Variants in ADAMTS17 observed in about 807,000 individuals in gnomAD.
ADAMTS17 encodes A disintegrin and metalloproteinase with thrombospondin motifs 17.
A neutral mutation model predicts 141.5 loss-of-function variants in ADAMTS17; 113 were observed. The ratio of observed to expected loss-of-function variants is 0.80; its 90% CI spans 0.69 to 0.93. The LOEUF is 0.93. Among genes scored for constraint, ADAMTS17 ranks in the 40% least tolerant of loss-of-function variants. ADAMTS17 has a pLI of 0.00. For synonymous variants in ADAMTS17, 768 were observed against 630.6 expected (o/e 1.22, Z -3.27); for missense variants, 1,659 against 1,517.9 (o/e 1.09, Z -1.54).
intron 7 of ADAMTS17, among the ~76,000 whole-genome samples, chr15:100,206,562 T>C (rs559339515): frequency 1.3e-5 from 2 of 152,288 alleles, no homozygotes; most frequent in South Asian, 4.1e-4. Flanking sequence ...CTCTATCTTC[T>C]CTCACTGGAA....
chr15:100,005,841 T>C (rs541595800), intron 18 of ADAMTS17, among the ~76,000 whole-genome samples: 1 of 151,436 alleles, frequency 6.6e-6, no homozygotes, highest in African/African-American at 2.5e-5. Context: ...GGTGTCAGTG[T>C]GGCTGGTCCT....
At chr15:100,234,113 C>T (rs1418335029) in intron 7 of ADAMTS17, among the ~76,000 whole-genome samples, 2 of 152,010 alleles carry the variant, frequency 1.3e-5, no homozygotes, top group Non-Finnish European at 2.9e-5. Flanking sequence ...CAGGCCTGGA[C>T]CGTGGGAGGA....
chr15:100,208,942 A>G (rs746425532), intron 7 of ADAMTS17, among the ~76,000 whole-genome samples: 1 of 152,154 alleles, frequency 6.6e-6, no homozygotes, highest in Admixed American at 6.5e-5. Flanking sequence ...TTCTCGGACC[A>G]TATGAGCCAT....
At position 100,037,717 on chromosome 15, in the gene ADAMTS17, C is replaced by G. The variant is rs1220143373; in HGVS notation, c.2591+11140G>C. The stretch of plus-strand genomic sequence containing the variant: ...AGCCACCATGCTTGGCCTAGATGTT[C>G]TTCATATAAGTTCCTTATCAGATAT... On this transcript the variant is annotated intron_variant, in intron 18 of 21. Coordinates refer to ENST00000268070, the MANE Select transcript of ADAMTS17 (RefSeq NM_139057.4). Among the ~76,000 whole-genome samples, 5 of 151,900 alleles carry G rather than the reference C, an allele frequency of 3.3e-5. No homozygotes were observed. In the East Asian group the frequency reaches 9.8e-4, roughly 30 times the overall value.
intron 18 of ADAMTS17, among the ~76,000 whole-genome samples, chr15:100,037,886 C>T (rs1425247214): frequency 6.6e-6 from 1 of 151,926 alleles, no homozygotes; most frequent in African/African-American, 2.4e-5. Context: ...TTCAGCCTGC[C>T]CCCCACCACC....
intron 12 of ADAMTS17, among the ~76,000 whole-genome samples, chr15:100,129,956 G>A (rs1018461055): frequency 9.9e-5 from 15 of 152,140 alleles, no homozygotes; most frequent in Admixed American, 3.3e-4. Context: ...GAGGCCAGAG[G>A]TCAAACTATT....
At chr15:100,260,065 G>A (rs62036218) in intron 6 of ADAMTS17, among the ~76,000 whole-genome samples, 41,729 of 151,666 alleles carry the variant, frequency 0.28, 6,096 homozygotes, top group South Asian at 0.42. Context: ...AGCTGGTCTC[G>A]AACTCCTGAC....
intron 18 of ADAMTS17, among the ~76,000 whole-genome samples, chr15:100,028,915 A>T (rs530084951): frequency 2.0e-5 from 3 of 152,288 alleles, no homozygotes; most frequent in African/African-American, 7.2e-5. Context: ...TCTCCTTCTC[A>T]GTTTTCCTTA....
chr15:100,206,846 T>C (rs1020015235), intron 7 of ADAMTS17, among the ~76,000 whole-genome samples: 1 of 152,170 alleles, frequency 6.6e-6, no homozygotes, highest in Non-Finnish European at 1.5e-5. Flanking sequence ...GTCTGAGGTG[T>C]GTGCCTAGAA....
chr15:100,057,354 G>A (rs2032667615), intron 15 of ADAMTS17, among the ~76,000 whole-genome samples: 2 of 152,134 alleles, frequency 1.3e-5, no homozygotes, highest in Non-Finnish European at 2.9e-5. Context: ...CTTTGAAGCT[G>A]TGTGCTGACC....
intron 7 of ADAMTS17, among the ~76,000 whole-genome samples, chr15:100,228,720 C>T (rs1008540089): frequency 2.6e-5 from 4 of 152,194 alleles, no homozygotes; most frequent in Non-Finnish European, 4.4e-5. Context: ...CCTCGTGTTT[C>T]CATGCAGAGT....
chr15:100,009,293 T>G (rs554764790), intron 18 of ADAMTS17, among the ~76,000 whole-genome samples: 1 of 152,254 alleles, frequency 6.6e-6, no homozygotes, highest in Admixed American at 6.5e-5. Flanking sequence ...CCTATGTAGG[T>G]GGGTCCTCTG....
At chr15:100,060,729 G>A (rs1163723890) in intron 15 of ADAMTS17, among the ~76,000 whole-genome samples, 2 of 152,336 alleles carry the variant, frequency 1.3e-5, no homozygotes, top group East Asian at 3.9e-4. Flanking sequence ...TCTTAGCTAT[G>A]GATACAAACT....
At chr15:99,995,288 C>A (rs2060777099) in intron 19 of ADAMTS17, among the ~76,000 whole-genome samples, 1 of 152,248 alleles carries the variant, frequency 6.6e-6, no homozygotes, top group Non-Finnish European at 1.5e-5. Flanking sequence ...GGAACCCATG[C>A]ACCATTTCTG....
chr15:100,022,618 C>G (rs937736148), intron 18 of ADAMTS17, among the ~76,000 whole-genome samples: 7 of 152,130 alleles, frequency 4.6e-5, no homozygotes, highest in African/African-American at 1.7e-4. Context: ...TAACGGAGAC[C>G]TTTAGCCACC....
At chr15:99,980,569 A>C (rs970831691) in intron 20 of ADAMTS17, 1 of 151,880 alleles carries the variant, frequency 6.6e-6, no homozygotes, top group Admixed American at 6.6e-5. Flanking sequence ...AACCCGCCTC[A>C]CTCCCCTGCA....
intron 8 of ADAMTS17, among the ~76,000 whole-genome samples, chr15:100,170,856 G>A (rs1263417745): frequency 6.6e-6 from 1 of 152,194 alleles, no homozygotes; most frequent in Non-Finnish European, 1.5e-5. Context: ...TTCTCAGGGA[G>A]GGTTTACCTC....
chr15:100,005,296 G>C (rs1451798860), intron 18 of ADAMTS17, among the ~76,000 whole-genome samples: 1 of 152,136 alleles, frequency 6.6e-6, no homozygotes, highest in East Asian at 1.9e-4. Context: ...AAATAACACA[G>C]ATTTATTATC....
chr15:100,285,376 T>C (rs2044413236), intron 3 of ADAMTS17, among the ~76,000 whole-genome samples: 2 of 152,104 alleles, frequency 1.3e-5, no homozygotes, highest in East Asian at 3.9e-4. Flanking sequence ...ACTGAAAAAA[T>C]AAAAACAACA....
Sources: gnomAD v4.1 joint callset for allele counts (sites outside exome capture counted in the v4.1 genomes callset) on GRCh38, gnomAD v4.1.1 for gene constraint, MANE v1.5 for transcripts, NCBI Gene and HGNC (gene_info 2026-07-23, HGNC 2026-07-21) for gene names.